SMARCC1: variants seen among roughly 807,000 people sequenced by gnomAD.
The protein encoded by SMARCC1 is SWI/SNF complex subunit SMARCC1.
In SMARCC1, 43 loss-of-function variants were observed where a neutral mutation model predicts 147.4. That is an observed-to-expected ratio of 0.29 (90% CI 0.23 to 0.38). The LOEUF is 0.38. Ranked by LOEUF, SMARCC1 falls within the 10% of genes least tolerant of loss-of-function variation. The probability of loss-of-function intolerance (pLI) is 1.00; values close to 1 mark genes in which losing one functional copy is unlikely to be tolerated. For missense variants in SMARCC1, 1,119 were observed against 1,381.1 expected, an observed-to-expected ratio of 0.81 and a Z score of 3.01; for synonymous variants, 495 against 484.4, an observed-to-expected ratio of 1.02 and a Z score of -0.29.
At chr3:47,666,648 C>T (rs930132618) in intron 19 of SMARCC1, among the ~76,000 whole-genome samples, 15 of 150,880 alleles carry the variant, frequency 9.9e-5, no homozygotes, top group African/African-American at 3.4e-4. Flanking sequence ...CTGTGGCCTG[C>T]AGCCTACATG....
intron 15 of SMARCC1, 134 bp from the exon 16 acceptor site, chr3:47,678,445 A>G: frequency 2.1e-6 from 1 of 476,822 alleles, no homozygotes; most frequent in East Asian, 3.3e-5. Flanking sequence ...AAACATTGAT[A>G]TTATATTGCA....
At chr3:47,622,162 A>T in intron 25 of SMARCC1, 45 bp downstream of exon 25, 2 of 1,555,220 alleles carry the variant, frequency 1.3e-6, no homozygotes, top group Non-Finnish European at 1.7e-6. Context: ...AAAAGTGACC[A>T]AGGTTTAATT....
intron 11 of SMARCC1, among the ~76,000 whole-genome samples, chr3:47,699,233 T>C (rs1249777963): frequency 1.3e-5 from 2 of 152,094 alleles, no homozygotes; most frequent in East Asian, 3.8e-4. Flanking sequence ...CTTGAACTGG[T>C]TATACTTAAA....
intron 2 of SMARCC1, among the ~76,000 whole-genome samples, chr3:47,760,605 A>C (rs4858853): frequency 0.26 from 39,613 of 152,140 alleles, 5,732 homozygotes; most frequent in South Asian, 0.42. Context: ...AGGAGACTGC[A>C]GTGAGCCAAG....
rs2034130897 is a variant in SMARCC1 at position 47,714,445 on chromosome 3, T to C, written c.762A>G (p.Glu254=). ...ATGGTTTTTCTGGAATTGGTGGATC[T>C]TCAATTTCAGCATCAACATCATTAC... ...VHSNDVDAEI[E]DPPIPEKPWK... Residue 254 remains glutamate, a synonymous_variant, in exon 8 of 28, where the codon GAA becomes GAG. Coordinates refer to ENST00000254480, the MANE Select transcript of SMARCC1 (RefSeq NM_003074.4). 2 of 1,594,008 alleles carry C rather than the reference T, an allele frequency of 1.3e-6. No individual in the cohort carries two copies. Among genetic ancestry groups the C allele is most frequent in the African/African-American group, 1.3e-5 (1 of 74,476 alleles).
intron 2 of SMARCC1, among the ~76,000 whole-genome samples, chr3:47,765,253 A>G: frequency 6.6e-6 from 1 of 152,134 alleles, no homozygotes; most frequent in East Asian, 1.9e-4. Flanking sequence ...CTCTGTCTCA[A>G]AAACAAAAAC....
intron 25 of SMARCC1, among the ~76,000 whole-genome samples, chr3:47,620,194 G>A (rs937178592): frequency 2.6e-5 from 4 of 152,186 alleles, no homozygotes; most frequent in Non-Finnish European, 5.9e-5. Flanking sequence ...CAGGTGCGGT[G>A]GCTCACGCCT....
At chr3:47,589,758 T>C (rs935301753) in intron 27 of SMARCC1, among the ~76,000 whole-genome samples, 1 of 152,226 alleles carries the variant, frequency 6.6e-6, no homozygotes, top group Non-Finnish European at 1.5e-5. Context: ...TAACCTTTGG[T>C]AAGTTCTATA....
chr3:47,681,119 A>C (rs923745469), intron 14 of SMARCC1, among the ~76,000 whole-genome samples: 1 of 152,218 alleles, frequency 6.6e-6, no homozygotes, highest in Non-Finnish European at 1.5e-5. Context: ...ACTAGATAAG[A>C]AGCCATAAGA....
chr3:47,750,399 C>T (rs1030107279), intron 2 of SMARCC1, among the ~76,000 whole-genome samples: 12 of 152,050 alleles, frequency 7.9e-5, no homozygotes, highest in Non-Finnish European at 1.0e-4. Flanking sequence ...CGCGCCAGGG[C>T]ACTCCAGCTT....
chr3:47,712,604 C>T (rs573897236), intron 8 of SMARCC1, among the ~76,000 whole-genome samples: 4 of 152,062 alleles, frequency 2.6e-5, no homozygotes, highest in South Asian at 2.1e-4. Context: ...TGAAATAATG[C>T]GGGTATTATA....
chr3:47,733,942 C>A (rs528866324), intron 5 of SMARCC1, among the ~76,000 whole-genome samples: 1 of 148,004 alleles, frequency 6.8e-6, no homozygotes, highest in South Asian at 2.1e-4. Flanking sequence ...TATACAAGCA[C>A]ATATATACAT....
rs1367302474 is a variant in SMARCC1, at chr3:47,610,289, T to C, written c.2820A>G (p.Gln940=). Reference sequence around the variant, plus strand: ...ACTTCAGCTGTTCCATGTGGAAGTTTTGGCGTTCAGTAAGCAACTGCTGCC... The same window carrying C: ...ACTTCAGCTGTTCCATGTGGAAGTTCTGGCGTTCAGTAAGCAACTGCTGCC... ...QQRQQLLTER[Q]NFHMEQLKYA... is the part of the protein sequence containing the mutation. The change falls in exon 26 of 28, where the codon CAA becomes CAG. Residue 940 remains glutamine, a synonymous_variant. Coordinates refer to ENST00000254480, the MANE Select transcript of SMARCC1 (RefSeq NM_003074.4). The C allele has an allele frequency of 2.5e-6, 4 of 1,614,248 alleles. No individual in the cohort carries two copies. The highest frequency in any genetic ancestry group is 3.4e-6 in the Non-Finnish European group (4 of 1,180,036).
chr3:47,672,570 A>C (rs994468721), intron 18 of SMARCC1, among the ~76,000 whole-genome samples: 4 of 152,218 alleles, frequency 2.6e-5, no homozygotes, highest in African/African-American at 9.7e-5. Flanking sequence ...GGTAATCACC[A>C]ATCAGATTTG....
At chr3:47,606,107 A>G (rs1213682623) in intron 26 of SMARCC1, among the ~76,000 whole-genome samples, 1 of 152,224 alleles carries the variant, frequency 6.6e-6, no homozygotes, top group African/African-American at 2.4e-5. Flanking sequence ...AAATAAAAAA[A>G]AAACCTCTCA....
rs568163133 is a variant in SMARCC1 at position 47,708,433 on chromosome 3, G to A, written c.919-1903C>T. 3.9e-5 allele frequency among the ~76,000 whole-genome samples: 6 copies of A among 152,048 alleles called. No homozygotes were observed. The South Asian group carries it at 1.0e-3, about 26-fold the overall frequency. ...TGGAATTACAGGCTTTAGCCACCATGCCCAACCCTTAATTTTTTAACAAAT... is the reference window on the plus strand; with the variant it reads ...TGGAATTACAGGCTTTAGCCACCATACCCAACCCTTAATTTTTTAACAAAT... On this transcript the variant is annotated intron_variant, in intron 9 of 27. Transcript: ENST00000254480.
At chr3:47,742,092 T>G (rs1164084957) in intron 3 of SMARCC1, among the ~76,000 whole-genome samples, 1 of 152,178 alleles carries the variant, frequency 6.6e-6, no homozygotes, top group Non-Finnish European at 1.5e-5. Context: ...TTGCTTCTGA[T>G]GCCCTTTTAC....
intron 11 of SMARCC1, among the ~76,000 whole-genome samples, chr3:47,699,053 C>T (rs1003198085): frequency 1.2e-4 from 18 of 152,068 alleles, no homozygotes; most frequent in Admixed American, 1.1e-3. Flanking sequence ...GGTCACAGAC[C>T]TAACTATAAA....
At chr3:47,717,442 T>G (rs567414198) in intron 7 of SMARCC1, among the ~76,000 whole-genome samples, 91 of 152,226 alleles carry the variant, frequency 6.0e-4, no homozygotes, top group Non-Finnish European at 1.1e-3. Flanking sequence ...CCTATAAAAC[T>G]ATAAATCAGA....
Sources: gnomAD v4.1 joint callset for allele counts (sites outside exome capture counted in the v4.1 genomes callset) on GRCh38, gnomAD v4.1.1 for gene constraint, MANE v1.5 for transcripts, NCBI Gene and HGNC (gene_info 2026-07-23, HGNC 2026-07-21) for gene names.